Variants in CTNND2 observed in about 807,000 individuals in gnomAD.
CTNND2 encodes the protein catenin delta-2.
CTNND2 carries 22 observed loss-of-function variants against 144.4 expected under a neutral mutation model. The observed-to-expected ratio is 0.15, with a 90% confidence interval of 0.11 to 0.22. CTNND2 has a LOEUF of 0.22. Among genes scored for constraint, CTNND2 ranks in the 10% least tolerant of loss-of-function variants. The pLI, the probability that CTNND2 is intolerant of heterozygous loss-of-function variation, is 1.00. For missense variants in CTNND2, 1,353 were observed against 1,618.8 expected (o/e 0.84, Z 2.82); for synonymous variants, 751 against 695.6 (o/e 1.08, Z -1.25).
intron 18 of CTNND2, among the ~76,000 whole-genome samples, chr5:11,008,590 G>A (rs908506830): frequency 6.6e-6 from 1 of 152,318 alleles, no homozygotes; most frequent in East Asian, 1.9e-4. Context: ...TATCGTCTCT[G>A]TTCTGGCTAA....
chr5:11,409,575 G>A (rs1761354080), intron 5 of CTNND2, among the ~76,000 whole-genome samples: 1 of 151,894 alleles, frequency 6.6e-6, no homozygotes, highest in South Asian at 2.1e-4. Flanking sequence ...ATGCTATGCT[G>A]TTTGGTGCAC....
rs190354805 is a variant in CTNND2, at chr5:11,137,942, G to A, written c.2160-20375C>T. 2.8e-4 allele frequency among the ~76,000 whole-genome samples: 42 copies of A among 152,286 alleles called. No homozygotes were observed. In the East Asian group the frequency reaches 7.7e-3, roughly 28 times the overall value. ...TACCTTACAGTTCTCTCTTATTACA[G>A]GTTGAAAGTCCAGTATGGGTCTCCA... On this transcript the variant is annotated intron_variant, in intron 12 of 21. Coordinates refer to ENST00000304623, the MANE Select transcript of CTNND2 (RefSeq NM_001332.4).
intron 1 of CTNND2, among the ~76,000 whole-genome samples, chr5:11,764,684 A>C (rs1483135340): frequency 1.3e-5 from 2 of 152,192 alleles, no homozygotes; most frequent in Non-Finnish European, 2.9e-5. Context: ...TTGTAACCAA[A>C]GATCGTAACT....
At chr5:11,017,309 T>C (rs905421517) in intron 18 of CTNND2, among the ~76,000 whole-genome samples, 5 of 152,056 alleles carry the variant, frequency 3.3e-5, no homozygotes, top group African/African-American at 7.2e-5. Flanking sequence ...GGGTGAAGAC[T>C]CTTTGGAGGT....
intron 1 of CTNND2, among the ~76,000 whole-genome samples, chr5:11,760,562 G>C (rs974047723): frequency 1.3e-5 from 2 of 152,130 alleles, no homozygotes; most frequent in Non-Finnish European, 2.9e-5. Flanking sequence ...TAAGGTAATT[G>C]TAAAAGGCAA....
intron 1 of CTNND2, among the ~76,000 whole-genome samples, chr5:11,824,478 G>C (rs934349975): frequency 6.6e-6 from 1 of 152,140 alleles, no homozygotes; most frequent in African/African-American, 2.4e-5. Context: ...TCACCATGAG[G>C]AAGCAGGAAA....
Position 10,992,578 on chromosome 5 carries a change from C to T in CTNND2, c.3184G>A (p.Val1062Met). 2 of 1,614,042 alleles carry T rather than the reference C, an allele frequency of 1.2e-6. No homozygotes were observed. Among genetic ancestry groups the T allele is most frequent in the Non-Finnish European group, 1.7e-6 (2 of 1,180,000 alleles). ...SSSRTPSISPVRVSPNNRSAS... is the reference protein window; with the variant it reads ...SSSRTPSISPMRVSPNNRSAS... ...GAGCGGTTGTTGGGAGACACGCGCA[C>T]AGGGGAGATGGAGGGCGTGCGGGAG... Residue 1062 changes from valine to methionine, a missense_variant, in exon 19 of 22, where the codon GTG (valine) becomes ATG (methionine). This residue lies in a region of CTNND2 where 459 missense variants were observed against 674.3 expected (regional missense o/e 0.68). Coordinates refer to ENST00000304623, the MANE Select transcript of CTNND2 (RefSeq NM_001332.4).
At chr5:11,312,135 CTCTCCCCCA>C in intron 9 of CTNND2, among the ~76,000 whole-genome samples, 1 of 140,302 alleles carries the variant, frequency 7.1e-6, no homozygotes, top group Non-Finnish European at 1.6e-5. Context: ...CCCATACATC[CTCTCCCCCA>C]CCACACACAC....
At chr5:11,593,452 A>C (rs996922598) in intron 2 of CTNND2, among the ~76,000 whole-genome samples, 1 of 152,184 alleles carries the variant, frequency 6.6e-6, no homozygotes, top group Non-Finnish European at 1.5e-5. Context: ...ATAAATTGGC[A>C]AACGATTGAT....
intron 16 of CTNND2, among the ~76,000 whole-genome samples, chr5:11,055,096 G>C (rs1746216028): frequency 1.3e-5 from 2 of 152,260 alleles, no homozygotes; most frequent in East Asian, 1.9e-4. Flanking sequence ...GACACCACAG[G>C]CTTGATTGAG....
intron 2 of CTNND2, among the ~76,000 whole-genome samples, chr5:11,648,191 T>TA (rs34500968): frequency 0.02 from 2,909 of 148,058 alleles, 110 homozygotes; most frequent in African/African-American, 0.068. Context: ...TTTTTTTTTT[T>TA]ACTATTATAT....
At chr5:11,833,804 G>A (rs1468852325) in intron 1 of CTNND2, among the ~76,000 whole-genome samples, 7 of 152,122 alleles carry the variant, frequency 4.6e-5, no homozygotes, top group East Asian at 1.9e-4. Flanking sequence ...GATTACAGGC[G>A]TGAGCCACCG....
At chr5:11,138,325 T>C (rs2149729770) in intron 12 of CTNND2, among the ~76,000 whole-genome samples, 1 of 152,354 alleles carries the variant, frequency 6.6e-6, no homozygotes, top group African/African-American at 2.4e-5. Flanking sequence ...TTAACCCTAT[T>C]CACGTCTGCA....
chr5:11,737,073 T>C (rs1787723174), intron 1 of CTNND2, among the ~76,000 whole-genome samples: 1 of 152,304 alleles, frequency 6.6e-6, no homozygotes, highest in East Asian at 1.9e-4. Flanking sequence ...TATGACATAT[T>C]CAATACATGG....
chr5:11,171,912 C>A (rs565118520), intron 11 of CTNND2, among the ~76,000 whole-genome samples: 1 of 152,208 alleles, frequency 6.6e-6, no homozygotes, highest in East Asian at 1.9e-4. Flanking sequence ...ATCCTAAAGA[C>A]CGTGGGCCTA....
chr5:11,528,361 AAGTAAAACAC>A (rs1773447530), intron 3 of CTNND2, among the ~76,000 whole-genome samples: 1 of 152,208 alleles, frequency 6.6e-6, no homozygotes, highest in South Asian at 2.1e-4. Context: ...TTGTGTCAAC[AAGTAAAACAC>A]AGCAACCCAT....
rs367794646 is a variant in CTNND2, at chr5:11,873,329, A to G, written c.37+30488T>C. Reference sequence around the variant, plus strand: ...GACTCAAATTGATACTAAAAGATGAAACAGTTATCCCAAAACATAGCTGCA... The same window carrying G: ...GACTCAAATTGATACTAAAAGATGAGACAGTTATCCCAAAACATAGCTGCA... On this transcript the variant is annotated intron_variant, in intron 1 of 21. Coordinates refer to ENST00000304623, the MANE Select transcript of CTNND2 (RefSeq NM_001332.4). Among the ~76,000 whole-genome samples the G allele has an allele frequency of 1.1e-4, 16 of 152,352 alleles. No individual in the cohort carries two copies. The East Asian group carries it at 1.3e-3, about 13-fold the overall frequency.
intron 1 of CTNND2, among the ~76,000 whole-genome samples, chr5:11,821,921 C>A (rs1346482939): frequency 6.6e-6 from 1 of 152,082 alleles, no homozygotes; most frequent in African/African-American, 2.4e-5. Flanking sequence ...ATATGTCCCC[C>A]AAATAAGTAA....
intron 2 of CTNND2, among the ~76,000 whole-genome samples, chr5:11,612,591 T>A (rs1241538614): frequency 6.6e-6 from 1 of 152,166 alleles, no homozygotes; most frequent in Non-Finnish European, 1.5e-5. Flanking sequence ...AATACTACGA[T>A]GCTTACTATT....
Sources: gnomAD v4.1 joint callset for allele counts (sites outside exome capture counted in the v4.1 genomes callset) on GRCh38, gnomAD v4.1.1 for gene constraint, gnomAD v4.1.1 regional missense constraint, MANE v1.5 for transcripts, NCBI Gene and HGNC (gene_info 2026-07-23, HGNC 2026-07-21) for gene names.